RGS3: variants seen among roughly 807,000 people sequenced by gnomAD.
RGS3 encodes the protein regulator of G protein signaling 3.
A neutral mutation model predicts 132.6 loss-of-function variants in RGS3; 80 were observed. That is an observed-to-expected ratio of 0.60 (90% CI 0.50 to 0.73). The LOEUF (loss-of-function observed/expected upper bound fraction) is 0.73, where lower values mean the gene tolerates loss of function less well. Among genes scored for constraint, RGS3 ranks in the 30% least tolerant of loss-of-function variants. The probability of loss-of-function intolerance (pLI) is 0.00; values close to 1 mark genes in which losing one functional copy is unlikely to be tolerated. For missense variants in RGS3, 1,382 were observed against 1,530.8 expected (o/e 0.90, Z 1.62); for synonymous variants, 598 against 620.6 (o/e 0.96, Z 0.54).
intron 16 of RGS3, 190 bp from the exon 15 acceptor site, chr9:113,522,740 G>T: frequency 1.7e-6 from 1 of 598,196 alleles, no homozygotes; most frequent in Non-Finnish European, 3.0e-6. Context: ...GGGTGATGGG[G>T]CCATCTTGAC....
At chr9:113,462,360 G>C (rs1375933018) in intron 3 of RGS3, among the ~76,000 whole-genome samples, 3 of 152,206 alleles carry the variant, frequency 2.0e-5, no homozygotes. Context: ...GAAGTGCCAG[G>C]ATTCAAACAA....
intron 19 of RGS3, among the ~76,000 whole-genome samples, chr9:113,539,781 C>T (rs1832827145): frequency 6.6e-6 from 1 of 152,232 alleles, no homozygotes; most frequent in South Asian, 2.1e-4. Flanking sequence ...TAAAGCTCTT[C>T]CCAAATTCAC....
At chr9:113,497,934 C>G (rs1366946845) in intron 9 of RGS3, 91 bp from the exon 8 acceptor site, 2 of 1,342,588 alleles carry the variant, frequency 1.5e-6, no homozygotes, top group Admixed American at 3.5e-5. Flanking sequence ...GCCCCATGGG[C>G]CTGTTTCCCA....
intron 19 of RGS3, among the ~76,000 whole-genome samples, chr9:113,549,658 A>G (rs1176947612): frequency 1.3e-5 from 2 of 152,096 alleles, no homozygotes; most frequent in Non-Finnish European, 2.9e-5. Context: ...CATATATCTT[A>G]TTTGCAAATT....
chr9:113,460,004 G>A (rs1829439313), upstream of RGS3, among the ~76,000 whole-genome samples: 1 of 149,162 alleles, frequency 6.7e-6, no homozygotes, highest in African/African-American at 2.5e-5. Flanking sequence ...TCGCACCACT[G>A]CACTCCAGCC....
At chr9:113,543,248 A>G (rs570078166) in intron 19 of RGS3, among the ~76,000 whole-genome samples, 12 of 152,364 alleles carry the variant, frequency 7.9e-5, no homozygotes, top group African/African-American at 2.9e-4. Context: ...CGGCATCTTT[A>G]GAGAAAGGTT....
intron 5 of RGS3, 94 bp from the exon 4 acceptor site, chr9:113,484,043 TG>T: frequency 1.3e-6 from 1 of 743,862 alleles, no homozygotes; most frequent in African/African-American, 1.7e-5. Flanking sequence ...TGAAGGACCC[TG>T]GGAAGCCTTT....
intron 7 of RGS3, among the ~76,000 whole-genome samples, chr9:113,489,694 A>G: frequency 7.0e-6 from 1 of 142,098 alleles, no homozygotes; most frequent in Non-Finnish European, 1.5e-5. Context: ...CAGCTACTTA[A>G]TTTTTTTTTT....
chr9:113,570,956 C>G (rs146869805), intron 19 of RGS3, among the ~76,000 whole-genome samples: 1 of 152,190 alleles, frequency 6.6e-6, no homozygotes, highest in Non-Finnish European at 1.5e-5. Flanking sequence ...CTTCTCTCAT[C>G]GATGAGCGTA....
intron 3 of RGS3, among the ~76,000 whole-genome samples, chr9:113,466,283 T>G (rs181149608): frequency 6.6e-6 from 1 of 152,360 alleles, no homozygotes; most frequent in East Asian, 1.9e-4. Context: ...GCCCCTGGCC[T>G]TCTACTGTGA....
At chr9:113,487,692 T>C (rs1830384326) in intron 7 of RGS3, among the ~76,000 whole-genome samples, 1 of 152,122 alleles carries the variant, frequency 6.6e-6, no homozygotes, top group Non-Finnish European at 1.5e-5. Flanking sequence ...TGCAAACTCA[T>C]TGACGTTGCT....
intron 4 of RGS3, among the ~76,000 whole-genome samples, chr9:113,482,447 C>T (rs2119221174): frequency 6.6e-6 from 1 of 152,320 alleles, no homozygotes; most frequent in South Asian, 2.1e-4. Context: ...AGCTGGGATT[C>T]ATGCCTGGGT....
chr9:113,515,510 A>T (rs1831610096), intron 15 of RGS3, among the ~76,000 whole-genome samples: 1 of 152,128 alleles, frequency 6.6e-6, no homozygotes. Flanking sequence ...AGGCGCCTGT[A>T]ATCCCAGCTA....
intron 1 of RGS3, among the ~76,000 whole-genome samples, chr9:113,447,062 C>A (rs1423373281): frequency 6.6e-6 from 1 of 151,468 alleles, no homozygotes; most frequent in Admixed American, 6.6e-5. Context: ...GAGATCGAGA[C>A]CATCCTGGCT....
intron 16 of RGS3, among the ~76,000 whole-genome samples, chr9:113,518,634 C>A (rs1033033091): frequency 6.6e-6 from 1 of 152,136 alleles, no homozygotes; most frequent in African/African-American, 2.4e-5. Context: ...TGTACATTAT[C>A]TTTTTCAAGG....
chr9:113,548,761 G>T (rs1833216134), intron 19 of RGS3, among the ~76,000 whole-genome samples: 1 of 152,196 alleles, frequency 6.6e-6, no homozygotes, highest in African/African-American at 2.4e-5. Flanking sequence ...AGAGAGAAGG[G>T]CCCAGTTGGC....
At chr9:113,550,423 G>T (rs1018636274) in intron 19 of RGS3, among the ~76,000 whole-genome samples, 3 of 152,168 alleles carry the variant, frequency 2.0e-5, no homozygotes, top group Admixed American at 1.3e-4. Flanking sequence ...TAGAATAAAT[G>T]CCTGTTAGTA....
At chr9:113,454,339 G>A (rs1367474308) in intron 1 of RGS3, among the ~76,000 whole-genome samples, 10 of 152,090 alleles carry the variant, frequency 6.6e-5, no homozygotes, top group Non-Finnish European at 1.0e-4. Flanking sequence ...AGCTGGGTGC[G>A]GTGCATGCCT....
chr9:113,507,108 C>T lies in RGS3; in HGVS notation c.1086-179C>T, dbSNP rs1831162430. On this transcript the variant is annotated intron_variant, in intron 12 of 24. Coordinates refer to ENST00000350696, the Ensembl canonical transcript of RGS3. This position sits in a 1 kb window ranked among gnomAD's most constrained non-coding sequence, Gnocchi z 5.0. ...TCAATAGGAATTGACCTAGGTGACC[C>T]ATTTGCTGTCTCTTCTTTAAATGGC... Among the ~76,000 whole-genome samples, 2 of 152,214 alleles carry T rather than the reference C, an allele frequency of 1.3e-5. No individual in the cohort carries two copies. Among genetic ancestry groups the T allele is most frequent in the Non-Finnish European group, 2.9e-5 (2 of 68,030 alleles).
Sources: gnomAD v4.1 joint callset for allele counts (sites outside exome capture counted in the v4.1 genomes callset) on GRCh38, gnomAD v4.1.1 for gene constraint, Gnocchi (gnomAD v3.1) non-coding constraint, MANE v1.5 for transcripts, NCBI Gene and HGNC (gene_info 2026-07-23, HGNC 2026-07-21) for gene names.